RNF150: variants seen among roughly 807,000 people sequenced by gnomAD.
The protein encoded by RNF150 is ring finger protein 150.
A neutral mutation model predicts 39.3 loss-of-function variants in RNF150; 24 were observed. That is an observed-to-expected ratio of 0.61 (90% CI 0.44 to 0.86). RNF150 has a LOEUF of 0.86. RNF150 is among the 40% of genes least tolerant of loss of function. The probability of loss-of-function intolerance (pLI) is 0.00; values close to 1 mark genes in which losing one functional copy is unlikely to be tolerated. For synonymous variants in RNF150, 255 were observed against 227.3 expected, an observed-to-expected ratio of 1.12 and a Z score of -1.10; for missense variants, 502 against 587.8, an observed-to-expected ratio of 0.85 and a Z score of 1.51.
chr4:140,881,402 G>C (rs1031104063), intron 6 of RNF150, among the ~76,000 whole-genome samples: 1 of 152,052 alleles, frequency 6.6e-6, no homozygotes, highest in Non-Finnish European at 1.5e-5. Context: ...GAGCTCAAGG[G>C]ATCCATCTGC....
intron 6 of RNF150, among the ~76,000 whole-genome samples, chr4:140,903,210 C>T (rs902056162): frequency 1.3e-5 from 2 of 152,196 alleles, no homozygotes; most frequent in African/African-American, 4.8e-5. Flanking sequence ...AATTTCCTGC[C>T]TCTGGCTAGT....
intron 1 of RNF150, among the ~76,000 whole-genome samples, chr4:141,162,428 C>A (rs1255029191): frequency 6.6e-6 from 1 of 152,050 alleles, no homozygotes; most frequent in Non-Finnish European, 1.5e-5. Context: ...GGTTCATAGG[C>A]AGAAGAGGCT....
rs1332563115 is a variant in RNF150 at position 141,132,484 on chromosome 4, C to T, written c.325G>A (p.Ala109Thr). ...CAGTTCTTGCCGCGGGTCGGGGCGG[C>T]GAACTTGGTGTTGGGGTCGCAGGCC... The part of the protein sequence containing the change: ...RLACDPNTKF[A>T]APTRGKNWIA... Residue 109 changes from alanine (A) to threonine (T), a missense_variant, in exon 1 of 7, where the codon GCC (alanine) becomes ACC (threonine). Coordinates refer to ENST00000515673, the MANE Select transcript of RNF150 (RefSeq NM_020724.2). The surrounding 1 kb of genome is among the most constrained non-coding windows in gnomAD (Gnocchi z 4.9). The T allele has an allele frequency of 6.2e-7, 1 of 1,607,764 alleles. No individual in the cohort carries two copies. The highest frequency in any genetic ancestry group is 1.1e-5 in the South Asian group (1 of 89,374).
intron 1 of RNF150, among the ~76,000 whole-genome samples, chr4:141,096,554 T>C (rs895655233): frequency 6.6e-6 from 1 of 152,194 alleles, no homozygotes; most frequent in Non-Finnish European, 1.5e-5. Flanking sequence ...GATATTTTTC[T>C]ACTACATTTT....
chr4:141,084,923 C>T (rs1291268602), intron 1 of RNF150, among the ~76,000 whole-genome samples: 1 of 152,156 alleles, frequency 6.6e-6, no homozygotes, highest in Admixed American at 6.5e-5. Context: ...AACTTTGTGA[C>T]TTCCTTTGCC....
intron 1 of RNF150, among the ~76,000 whole-genome samples, chr4:141,026,178 A>G (rs1457225370): frequency 6.6e-6 from 1 of 152,186 alleles, no homozygotes; most frequent in Admixed American, 6.5e-5. Flanking sequence ...GTGTCTATGT[A>G]AACAAGGGGA....
At chr4:140,905,642 G>C (rs1730344646) in intron 6 of RNF150, among the ~76,000 whole-genome samples, 2 of 145,644 alleles carry the variant, frequency 1.4e-5, no homozygotes, top group African/African-American at 2.5e-5. Flanking sequence ...GGTGGAGAAA[G>C]GCACCTCCCA....
At position 141,132,467 on chromosome 4, in the gene RNF150, GC is replaced by G; in HGVS notation, c.341del (p.Gly114AlafsTer5). On this transcript the variant is annotated frameshift_variant, in exon 1 of 7. Coordinates refer to ENST00000515673, the MANE Select transcript of RNF150 (RefSeq NM_020724.2). LOFTEE classifies it high-confidence loss of function. The surrounding 1 kb of genome is among the most constrained non-coding windows in gnomAD (Gnocchi z 4.9). ...TGGGGATGAGGGCTATCCAGTTCTT[GC>G]CGCGGGTCGGGGCGGCGAACTTGGT... ...PNTKFAAPTR[G>X]KNWIALIPKG... 1 of 1,609,974 alleles carries G rather than the reference GC, an allele frequency of 6.2e-7. No homozygotes were observed. The highest frequency in any genetic ancestry group is 8.5e-7 in the Non-Finnish European group (1 of 1,178,696).
chr4:140,921,044 G>C (rs1175917044), intron 5 of RNF150, among the ~76,000 whole-genome samples: 1 of 151,156 alleles, frequency 6.6e-6, no homozygotes, highest in African/African-American at 2.4e-5. Flanking sequence ...TTGTGGCGTG[G>C]GAGGAGGGAT....
At chr4:140,957,034 CA>C (rs1245958636) in intron 2 of RNF150, among the ~76,000 whole-genome samples, 2 of 149,220 alleles carry the variant, frequency 1.3e-5, no homozygotes, top group African/African-American at 2.5e-5. Flanking sequence ...GCAATGGCAA[CA>C]AAAGCCAAAA....
intron 1 of RNF150, among the ~76,000 whole-genome samples, chr4:141,016,774 G>GCTCTC (rs929486129): frequency 1.2e-3 from 183 of 152,178 alleles, no homozygotes; most frequent in African/African-American, 4.4e-3. Flanking sequence ...GGCCGCCTTG[G>GCTCTC]CTCTCCTCTC....
chr4:141,113,899 C>A (rs1739467993), intron 1 of RNF150, among the ~76,000 whole-genome samples: 2 of 152,310 alleles, frequency 1.3e-5, no homozygotes, highest in Non-Finnish European at 2.9e-5. Flanking sequence ...CGAAACTGAA[C>A]AACCTTCTCC....
intron 5 of RNF150, 42 bp downstream of exon 5, chr4:140,925,935 G>T: frequency 7.1e-7 from 1 of 1,405,550 alleles, no homozygotes; most frequent in Non-Finnish European, 1.0e-6. Flanking sequence ...GGGCAACGCA[G>T]AAAGACAGAC....
At chr4:140,959,705 C>T (rs780539383) in intron 2 of RNF150, among the ~76,000 whole-genome samples, 2 of 152,108 alleles carry the variant, frequency 1.3e-5, no homozygotes, top group East Asian at 1.9e-4. Context: ...TTGGTCTTTG[C>T]AAATCAGCCT....
chr4:141,208,110 C>G (rs1463037206), intron 1 of RNF150, among the ~76,000 whole-genome samples: 1 of 152,220 alleles, frequency 6.6e-6, no homozygotes, highest in Non-Finnish European at 1.5e-5. Flanking sequence ...CCGGAAGCCA[C>G]TGGTAAAATT....
chr4:141,041,906 C>T (rs1024228258), intron 1 of RNF150, among the ~76,000 whole-genome samples: 6 of 151,924 alleles, frequency 3.9e-5, no homozygotes, highest in African/African-American at 1.4e-4. Flanking sequence ...TAGGAAATGG[C>T]AGATGCTGGG....
intron 1 of RNF150, among the ~76,000 whole-genome samples, chr4:141,167,063 A>G (rs1025749938): frequency 2.0e-5 from 3 of 152,150 alleles, no homozygotes; most frequent in African/African-American, 7.2e-5. Context: ...TCAGCCCCAA[A>G]TCTCCTTAAG....
chr4:141,139,142 G>A (rs1178236649), intron 1 of RNF150, among the ~76,000 whole-genome samples: 1 of 152,212 alleles, frequency 6.6e-6, no homozygotes, highest in African/African-American at 2.4e-5. Context: ...TTGAGCACAG[G>A]AGTTCGAGGC....
intron 1 of RNF150, among the ~76,000 whole-genome samples, chr4:141,076,321 A>G (rs890515146): frequency 6.6e-6 from 1 of 152,170 alleles, no homozygotes; most frequent in Admixed American, 6.5e-5. Context: ...ATTGCTTTTT[A>G]AAAAATAATA....
Sources: allele counts gnomAD v4.1 joint callset (sites outside exome capture counted in the v4.1 genomes callset), GRCh38; gene constraint gnomAD v4.1.1; non-coding constraint Gnocchi (gnomAD v3.1); transcripts MANE v1.5; gene names NCBI Gene and HGNC (gene_info 2026-07-23, HGNC 2026-07-21).